Variants in CEP112 observed in about 807,000 individuals in gnomAD.
CEP112 encodes centrosomal protein of 112 kDa.
A neutral mutation model predicts 153.0 loss-of-function variants in CEP112; 127 were observed. That is an observed-to-expected ratio of 0.83 (90% CI 0.72 to 0.96). CEP112 has a LOEUF of 0.96. Among genes scored for constraint, CEP112 ranks in the 40% least tolerant of loss-of-function variants. CEP112 has a pLI of 0.00. For synonymous variants in CEP112, 358 were observed against 374.4 expected (o/e 0.96, Z 0.51); for missense variants, 1,089 against 1,101.2 (o/e 0.99, Z 0.16).
chr17:65,714,218 G>A (rs982333576), intron 23 of CEP112, among the ~76,000 whole-genome samples: 1 of 151,848 alleles, frequency 6.6e-6, no homozygotes, highest in African/African-American at 2.4e-5. Flanking sequence ...ACATATACAC[G>A]TGTGTATATG....
chr17:65,877,371 T>C (rs1443660839), intron 20 of CEP112, among the ~76,000 whole-genome samples: 1 of 152,132 alleles, frequency 6.6e-6, no homozygotes, highest in African/African-American at 2.4e-5. Context: ...TTAAGTGCTG[T>C]AGACTCCCTT....
intron 16 of CEP112, among the ~76,000 whole-genome samples, chr17:66,020,126 A>G (rs2064942964): frequency 6.6e-6 from 1 of 152,174 alleles, no homozygotes; most frequent in African/African-American, 2.4e-5. Flanking sequence ...ACCAGACTGC[A>G]ACAGAGCAGG....
chr17:65,768,971 G>C (rs904944761), intron 21 of CEP112, among the ~76,000 whole-genome samples: 1 of 152,010 alleles, frequency 6.6e-6, no homozygotes, highest in Non-Finnish European at 1.5e-5. Flanking sequence ...AGGTATTCAA[G>C]CTGGATAAAA....
Position 65,689,176 on chromosome 17 carries a change from A to T in CEP112, c.2650T>A (p.Cys884Ser). The change falls in exon 24 of 27, where the codon TGT becomes AGT. Residue 884 changes from cysteine to serine, a missense_variant. Physicochemically the swap from Cys to Ser is moderately radical, Grantham distance 112. Coordinates refer to ENST00000535342, the MANE Select transcript of CEP112 (RefSeq NM_001199165.4). The part of the protein sequence containing the change: ...ELENRSNQVR[C>S]AEKKLQHKEL... ...TTGTGTTGTAATTTTTTCTCTGCAC[A>T]TCGCACCTGATTAGAACGGTTTTCT... is the stretch of plus-strand genomic sequence containing the variant. 1 of 1,613,816 alleles carries T rather than the reference A, an allele frequency of 6.2e-7. No homozygotes were observed. The highest frequency in any genetic ancestry group is 8.5e-7 in the Non-Finnish European group (1 of 1,179,722).
chr17:66,015,586 A>G (rs2064734944), intron 16 of CEP112, among the ~76,000 whole-genome samples: 1 of 152,222 alleles, frequency 6.6e-6, no homozygotes, highest in Admixed American at 6.5e-5. Flanking sequence ...GGCCTAAAAC[A>G]CAGCACACGT....
intron 24 of CEP112, among the ~76,000 whole-genome samples, chr17:65,657,120 A>G: frequency 6.6e-6 from 1 of 152,182 alleles, no homozygotes; most frequent in East Asian, 1.9e-4. Flanking sequence ...TGGTTTCATC[A>G]TGCTCTTTCC....
intron 4 of CEP112, among the ~76,000 whole-genome samples, chr17:66,164,453 G>A (rs1692075613): frequency 6.6e-6 from 1 of 151,816 alleles, no homozygotes; most frequent in South Asian, 2.1e-4. Context: ...AGCTACTCGG[G>A]AGGCTGGGGC....
At chr17:65,793,966 T>A (rs934200640) in intron 21 of CEP112, among the ~76,000 whole-genome samples, 1 of 152,238 alleles carries the variant, frequency 6.6e-6, no homozygotes, top group Admixed American at 6.5e-5. Flanking sequence ...CTATTCCTGA[T>A]GAAACAAAAA....
chr17:65,768,290 A>G (rs918424035), intron 21 of CEP112, among the ~76,000 whole-genome samples: 1 of 152,148 alleles, frequency 6.6e-6, no homozygotes, highest in African/African-American at 2.4e-5. Context: ...GAAGTGGATC[A>G]TCCTAAAGGT....
At chr17:66,177,499 G>A (rs1164896050) in intron 2 of CEP112, among the ~76,000 whole-genome samples, 1 of 152,126 alleles carries the variant, frequency 6.6e-6, no homozygotes, top group Non-Finnish European at 1.5e-5. Context: ...TTTTGATACA[G>A]GCATGTAATG....
At chr17:65,664,894 G>A (rs1356970880) in intron 24 of CEP112, among the ~76,000 whole-genome samples, 1 of 152,172 alleles carries the variant, frequency 6.6e-6, no homozygotes, top group Non-Finnish European at 1.5e-5. Context: ...CCAAGATCAG[G>A]GTACCAGCAT....
Position 65,852,052 on chromosome 17 carries a change from A to G in CEP112, c.2164-18T>C. On this transcript the variant is annotated intron_variant, in intron 20 of 26. Transcript: ENST00000535342. ...GCAATAACCTTGTTTTTAAAAATGG[A>G]AAAATGGGCAGAAGATATCAATAGG... is the stretch of plus-strand genomic sequence containing the variant. 1 of 1,556,834 alleles carries G rather than the reference A, an allele frequency of 6.4e-7. No individual in the cohort carries two copies. The highest frequency in any genetic ancestry group is 8.7e-7 in the Non-Finnish European group (1 of 1,144,542).
At chr17:66,056,208 T>G (rs192078504) in intron 11 of CEP112, among the ~76,000 whole-genome samples, 1 of 152,312 alleles carries the variant, frequency 6.6e-6, no homozygotes, top group Non-Finnish European at 1.5e-5. Context: ...CATATTCGTC[T>G]TTAACCATAT....
intron 18 of CEP112, among the ~76,000 whole-genome samples, chr17:65,959,256 C>T (rs34678650): frequency 0.48 from 72,945 of 151,878 alleles, 18,513 homozygotes; most frequent in East Asian, 0.89. Context: ...TCTGCAGAGA[C>T]GGGTTTACCA....
chr17:65,830,954 G>A (rs2057050897), intron 21 of CEP112, among the ~76,000 whole-genome samples: 1 of 152,162 alleles, frequency 6.6e-6, no homozygotes, highest in African/African-American at 2.4e-5. Flanking sequence ...AAATTGGCAG[G>A]GCAATGAGTT....
intron 20 of CEP112, among the ~76,000 whole-genome samples, chr17:65,898,716 C>T (rs1275841394): frequency 2.0e-5 from 3 of 152,060 alleles, no homozygotes; most frequent in African/African-American, 2.4e-5. Context: ...TGCAAGGTTG[C>T]TGCATTTAAT....
At chr17:66,142,638 C>A (rs1218499470) in intron 4 of CEP112, among the ~76,000 whole-genome samples, 1 of 152,108 alleles carries the variant, frequency 6.6e-6, no homozygotes, top group African/African-American at 2.4e-5. Context: ...CTTGGCACCT[C>A]TGTCAAAGAT....
At chr17:65,877,535 A>G (rs533287265) in intron 20 of CEP112, among the ~76,000 whole-genome samples, 24 of 152,066 alleles carry the variant, frequency 1.6e-4, no homozygotes, top group Non-Finnish European at 2.1e-4. Context: ...TCATTCCCTC[A>G]CTTCAGACTC....
At chr17:66,051,702 T>TTACCCAGC (rs1314685624) in intron 12 of CEP112, among the ~76,000 whole-genome samples, 9 of 152,188 alleles carry the variant, frequency 5.9e-5, no homozygotes, top group African/African-American at 2.2e-4. Context: ...ACAACTCTTG[T>TTACCCAGC]TTAAATTCCA....
Sources: gnomAD v4.1 joint callset for allele counts (sites outside exome capture counted in the v4.1 genomes callset) on GRCh38, gnomAD v4.1.1 for gene constraint, MANE v1.5 for transcripts, NCBI Gene and HGNC (gene_info 2026-07-23, HGNC 2026-07-21) for gene names.